NR2F1-AS1: variants seen among roughly 807,000 people sequenced by gnomAD.
NR2F1-AS1 encodes NR2F1 regulatory antisense RNA 1.
intron 4 of NR2F1-AS1, among the ~76,000 whole-genome samples, chr5:93,424,844 TTAATC>T (rs1420471056): frequency 6.6e-6 from 1 of 152,072 alleles, no homozygotes; most frequent in Non-Finnish European, 1.5e-5. Context: ...TAAAGAAAAA[TTAATC>T]TATTCAGGTA....
chr5:93,488,430 G>C (rs1352636349), intron 4 of NR2F1-AS1, among the ~76,000 whole-genome samples: 1 of 152,154 alleles, frequency 6.6e-6, no homozygotes, highest in Non-Finnish European at 1.5e-5. Context: ...AGTGGGCAAA[G>C]ACTTATGAAC....
chr5:93,445,804 A>C (rs1295020221), intron 4 of NR2F1-AS1, among the ~76,000 whole-genome samples: 5 of 152,210 alleles, frequency 3.3e-5, no homozygotes, highest in African/African-American at 1.2e-4. Flanking sequence ...ATCCTCAATA[A>C]AATACTGGCA....
At chr5:93,425,022 C>T (rs187200694) in intron 4 of NR2F1-AS1, among the ~76,000 whole-genome samples, 125 of 152,264 alleles carry the variant, frequency 8.2e-4, no homozygotes, top group East Asian at 2.1e-3. Flanking sequence ...ATTTCCTGTA[C>T]GCTACATATA....
At chr5:93,464,077 C>T (rs1750163889) in intron 4 of NR2F1-AS1, among the ~76,000 whole-genome samples, 1 of 152,094 alleles carries the variant, frequency 6.6e-6, no homozygotes, top group South Asian at 2.1e-4. Flanking sequence ...TTGGCTGTGT[C>T]CCCACCCAAA....
At chr5:93,520,924 A>T (rs1482793386) in intron 4 of NR2F1-AS1, among the ~76,000 whole-genome samples, 1 of 151,724 alleles carries the variant, frequency 6.6e-6, no homozygotes. Flanking sequence ...ATCAATAAAC[A>T]GATGAGATAA....
At chr5:93,529,408 C>A (rs935702248) in intron 4 of NR2F1-AS1, among the ~76,000 whole-genome samples, 2 of 152,052 alleles carry the variant, frequency 1.3e-5, no homozygotes, top group Non-Finnish European at 1.5e-5. Flanking sequence ...GGATTACAGA[C>A]ATAGTGAAAA....
chr5:93,487,811 G>C (rs1490717578), intron 4 of NR2F1-AS1, among the ~76,000 whole-genome samples: 1 of 152,120 alleles, frequency 6.6e-6, no homozygotes, highest in Non-Finnish European at 1.5e-5. Flanking sequence ...AAAGAAAAAA[G>C]CTGGAAGCAT....
intron 4 of NR2F1-AS1, among the ~76,000 whole-genome samples, chr5:93,494,147 C>T (rs1282081229): frequency 1.3e-5 from 2 of 152,052 alleles, no homozygotes; most frequent in East Asian, 3.9e-4. Flanking sequence ...CATTACAACT[C>T]AACAACAAAC....
chr5:93,481,541 C>A (rs1009616690), intron 4 of NR2F1-AS1, among the ~76,000 whole-genome samples: 8 of 152,010 alleles, frequency 5.3e-5, no homozygotes, highest in Non-Finnish European at 1.2e-4. Context: ...ATTTGAACAA[C>A]ACTATAAAGC....
At chr5:93,441,710 T>C (rs1004662104) in intron 4 of NR2F1-AS1, among the ~76,000 whole-genome samples, 1 of 152,254 alleles carries the variant, frequency 6.6e-6, no homozygotes, top group Non-Finnish European at 1.5e-5. Flanking sequence ...GTTCTAGGAA[T>C]GACTCTGCAA....
intron 4 of NR2F1-AS1, among the ~76,000 whole-genome samples, chr5:93,457,997 T>C (rs987820882): frequency 6.6e-6 from 1 of 152,184 alleles, no homozygotes; most frequent in African/African-American, 2.4e-5. Context: ...CGTTAACTTG[T>C]CCTCAGTGAC....
At chr5:93,459,540 T>C (rs1052399680) in intron 4 of NR2F1-AS1, among the ~76,000 whole-genome samples, 1 of 152,226 alleles carries the variant, frequency 6.6e-6, no homozygotes. Flanking sequence ...AACTTTATTT[T>C]ATGTAATTTA....
At chr5:93,566,291 G>C (rs1428648333) in intron 1 of NR2F1-AS1, among the ~76,000 whole-genome samples, 1 of 151,814 alleles carries the variant, frequency 6.6e-6, no homozygotes, top group East Asian at 1.9e-4. Flanking sequence ...CAAAGCAAAG[G>C]GAAAGTATAA....
At chr5:93,543,132 A>G (rs1415364714) in intron 4 of NR2F1-AS1, 1 of 152,224 alleles carries the variant, frequency 6.6e-6, no homozygotes, top group Non-Finnish European at 1.5e-5. Flanking sequence ...GCAAAAGCAA[A>G]TGCAAATTAT....
chr5:93,526,395 C>T (rs969751990), intron 4 of NR2F1-AS1, among the ~76,000 whole-genome samples: 3 of 152,198 alleles, frequency 2.0e-5, no homozygotes, highest in Non-Finnish European at 2.9e-5. Context: ...AAGAGATTCA[C>T]AGACGAATTC....
At chr5:93,457,411 C>G (rs767022862) in intron 4 of NR2F1-AS1, among the ~76,000 whole-genome samples, 1 of 152,148 alleles carries the variant, frequency 6.6e-6, no homozygotes, top group Non-Finnish European at 1.5e-5. Context: ...AACCTTGAGT[C>G]GTCACAGCAC....
intron 4 of NR2F1-AS1, among the ~76,000 whole-genome samples, chr5:93,412,571 A>C (rs1039784135): frequency 2.0e-5 from 3 of 152,212 alleles, no homozygotes; most frequent in Non-Finnish European, 2.9e-5. Context: ...CCGTTTTCCT[A>C]GTTCCAAACA....
chr5:93,481,909 A>T (rs953813005), intron 4 of NR2F1-AS1, among the ~76,000 whole-genome samples: 1 of 152,284 alleles, frequency 6.6e-6, no homozygotes, highest in Admixed American at 6.5e-5. Context: ...CAGCAAAAGC[A>T]GTATCCAGGG....
intron 4 of NR2F1-AS1, among the ~76,000 whole-genome samples, chr5:93,483,795 G>T (rs1326281864): frequency 6.6e-6 from 1 of 152,114 alleles, no homozygotes; most frequent in Non-Finnish European, 1.5e-5. Context: ...TAAGAACTTC[G>T]TGAAGCTTAC....
Sources: gnomAD v4.1 joint callset for allele counts (sites outside exome capture counted in the v4.1 genomes callset) on GRCh38, gnomAD v4.1.1 for gene constraint, MANE v1.5 for transcripts, NCBI Gene and HGNC (gene_info 2026-07-23, HGNC 2026-07-21) for gene names.